CTXND1: variants seen among roughly 807,000 people sequenced by gnomAD.
CTXND1 encodes the protein cortexin domain-containing 1 protein.
chr15:80,196,289 A>G lies in CTXND1; in HGVS notation c.*5481T>C, dbSNP rs1257677707. 2.0e-5 allele frequency: 3 copies of G among 152,206 alleles called. No individual in the cohort carries two copies. Among genetic ancestry groups the G allele is most frequent in the Non-Finnish European group, 4.4e-5 (3 of 68,050 alleles). 9.4% of individuals were successfully genotyped at this position (152,206 alleles called of 1,614,324 possible). A position where few individuals can be genotyped will look rare whatever the true frequency, so the allele number is the denominator to read the frequency against. On this transcript the variant is annotated 3_prime_UTR_variant, in exon 3 of 3. Coordinates refer to ENST00000560778, the MANE Select transcript of CTXND1 (RefSeq NM_001352888.2). ...CAGGTGAGATCTTCAAGGCCTCTTC[A>G]TGTTCTTTAGGAATCTGTGGATACT...
chr15:80,217,599 T>C (rs1893267461), intron 1 of CTXND1, among the ~76,000 whole-genome samples: 1 of 151,954 alleles, frequency 6.6e-6, no homozygotes, highest in African/African-American at 2.4e-5. Context: ...TGGACTGGAG[T>C]GCAGTGGCAA....
intron 1 of CTXND1, among the ~76,000 whole-genome samples, chr15:80,246,102 A>G (rs1449354625): frequency 6.6e-6 from 1 of 152,146 alleles, no homozygotes; most frequent in Non-Finnish European, 1.5e-5. Flanking sequence ...TAATTTGTAT[A>G]ATGAGAAAAA....
At chr15:80,218,060 A>G (rs1893272454) in intron 1 of CTXND1, among the ~76,000 whole-genome samples, 1 of 152,212 alleles carries the variant, frequency 6.6e-6, no homozygotes, top group African/African-American at 2.4e-5. Flanking sequence ...TTATGTATTC[A>G]ACTTCAGTGA....
At chr15:80,203,559 C>T (rs1437784991) in intron 2 of CTXND1, 30 bp downstream of exon 2, 1 of 152,126 alleles carries the variant, frequency 6.6e-6, no homozygotes, top group African/African-American at 2.4e-5. Context: ...GACCTTGTCT[C>T]AGCCCTCATC....
chr15:80,244,407 A>G (rs1383345374), intron 1 of CTXND1, among the ~76,000 whole-genome samples: 1 of 152,230 alleles, frequency 6.6e-6, no homozygotes, highest in Non-Finnish European at 1.5e-5. Flanking sequence ...ACAGCCCAAC[A>G]CAGGGTTGGT....
At chr15:80,251,772 G>A (rs1469019817) in intron 1 of CTXND1, among the ~76,000 whole-genome samples, 1 of 151,964 alleles carries the variant, frequency 6.6e-6, no homozygotes, top group Non-Finnish European at 1.5e-5. Flanking sequence ...GCGCGGGTCC[G>A]GCCCTCCCCG....
chr15:80,246,488 A>G (rs1366506612), intron 1 of CTXND1, among the ~76,000 whole-genome samples: 1 of 152,240 alleles, frequency 6.6e-6, no homozygotes, highest in Admixed American at 6.5e-5. Flanking sequence ...GGCAGTGCTG[A>G]CAGCCGACTG....
intron 1 of CTXND1, among the ~76,000 whole-genome samples, chr15:80,206,771 CAGTT>C (rs1201734468): frequency 1.3e-5 from 2 of 152,156 alleles, no homozygotes; most frequent in Non-Finnish European, 2.9e-5. Flanking sequence ...TTTCCATTGT[CAGTT>C]AGTTCTGTTA....
rs533034214 is a variant in CTXND1 at position 80,205,303 on chromosome 15, A to G, written c.-217-1563T>C. Reference sequence around the variant, plus strand: ...TGTTTTTCATGTATTGATGGAGTAAATGTCCTTGTAGCGATGTCATTTTGC... The same window carrying G: ...TGTTTTTCATGTATTGATGGAGTAAGTGTCCTTGTAGCGATGTCATTTTGC... On this transcript the variant is annotated intron_variant, in intron 1 of 2. Coordinates refer to ENST00000560778, the MANE Select transcript of CTXND1 (RefSeq NM_001352888.2). Among the ~76,000 whole-genome samples, 6 of 152,310 alleles carry G rather than the reference A, an allele frequency of 3.9e-5. No individual in the cohort carries two copies. In the East Asian group the frequency reaches 1.2e-3, roughly 29 times the overall value.
intron 1 of CTXND1, among the ~76,000 whole-genome samples, chr15:80,218,905 C>A (rs1001764475): frequency 6.6e-6 from 1 of 150,450 alleles, no homozygotes; most frequent in East Asian, 2.0e-4. Flanking sequence ...AGAATATATT[C>A]ATACACCATA....
At chr15:80,204,189 T>TACACAAAC (rs1273254698) in intron 1 of CTXND1, among the ~76,000 whole-genome samples, 724 of 52,830 alleles carry the variant, frequency 0.014, 39 homozygotes, top group East Asian at 0.022. Context: ...TATATATATA[T>TACACAAAC]ATATATATAT....
rs1268649515 is a variant in CTXND1 at position 80,199,201 on chromosome 15, A to C, written c.*2569T>G. On this transcript the variant is annotated 3_prime_UTR_variant, in exon 3 of 3. Transcript: ENST00000560778. ...AATTAATTAGGACCAAGGGATTCTC[A>C]GGCAGTGCTTCTTAAACTTTAACGT... The C allele has an allele frequency of 6.6e-6, 1 of 152,226 alleles. No individual in the cohort carries two copies. Among genetic ancestry groups the C allele is most frequent in the Admixed American group, 6.5e-5 (1 of 15,278 alleles). 9.4% of individuals were successfully genotyped at this position (152,226 alleles called of 1,614,324 possible). A position where few individuals can be genotyped will look rare whatever the true frequency, so the allele number is the denominator to read the frequency against.
intron 1 of CTXND1, among the ~76,000 whole-genome samples, chr15:80,237,890 T>G (rs1164889567): frequency 6.6e-6 from 1 of 150,414 alleles, no homozygotes; most frequent in African/African-American, 2.5e-5. Flanking sequence ...GCATCTATAA[T>G]CCCAGCTACT....
chr15:80,202,252 T>TGGGGCAGGGGA (rs1893082364), intron 2 of CTXND1, among the ~76,000 whole-genome samples: 1 of 149,328 alleles, frequency 6.7e-6, no homozygotes, highest in South Asian at 2.2e-4. Context: ...CTCCCCAGAC[T>TGGGGCAGGGGA]GGGGCAGGGG....
chr15:80,220,933 G>C (rs1486786912), intron 1 of CTXND1, among the ~76,000 whole-genome samples: 20 of 147,228 alleles, frequency 1.4e-4, no homozygotes, highest in African/African-American at 4.7e-4. Flanking sequence ...TTTTGAGACA[G>C]AGTCTCGCTC....
chr15:80,208,960 T>G (rs1893177933), intron 1 of CTXND1, among the ~76,000 whole-genome samples: 1 of 152,204 alleles, frequency 6.6e-6, no homozygotes, highest in Non-Finnish European at 1.5e-5. Flanking sequence ...GCTCCCATGT[T>G]TCACAGCAGG....
At chr15:80,205,114 CTG>C (rs1345012521) in intron 1 of CTXND1, among the ~76,000 whole-genome samples, 5 of 152,196 alleles carry the variant, frequency 3.3e-5, no homozygotes, top group African/African-American at 1.2e-4. Flanking sequence ...GTTATATAAA[CTG>C]TTCCACATCT....
intron 1 of CTXND1, among the ~76,000 whole-genome samples, chr15:80,225,378 C>A (rs899642865): frequency 6.6e-5 from 10 of 151,832 alleles, no homozygotes; most frequent in Middle Eastern, 3.4e-3. Context: ...CTGGTGGGCA[C>A]CTTTTATTTA....
At chr15:80,239,961 ATTAC>A (rs376538651) in intron 1 of CTXND1, among the ~76,000 whole-genome samples, 1 of 152,134 alleles carries the variant, frequency 6.6e-6, no homozygotes, top group East Asian at 1.9e-4. Flanking sequence ...ATAATTTTGT[ATTAC>A]TTTATTTATT....
Sources: allele counts gnomAD v4.1 joint callset (sites outside exome capture counted in the v4.1 genomes callset), GRCh38; gene constraint gnomAD v4.1.1; transcripts MANE v1.5; gene names NCBI Gene and HGNC (gene_info 2026-07-23, HGNC 2026-07-21).